Variants in TENM3 observed in about 807,000 individuals in gnomAD.
TENM3 encodes the protein teneurin-3.
In TENM3, 63 loss-of-function variants were observed where a neutral mutation model predicts 255.1. That is an observed-to-expected ratio of 0.25 (90% CI 0.20 to 0.30). The LOEUF (loss-of-function observed/expected upper bound fraction) is 0.30. TENM3 is among the 10% of genes least tolerant of loss of function. The pLI is 1.00. For synonymous variants in TENM3, 1,306 were observed against 1,322.3 expected (o/e 0.99, Z 0.27); for missense variants, 2,929 against 3,461.1 (o/e 0.85, Z 3.86).
At chr4:181,907,600 A>G in the TENM3 span, among the ~76,000 whole-genome samples, 1 of 152,072 alleles carries the variant, frequency 6.6e-6, no homozygotes. Flanking sequence ...GGGAAGAGGG[A>G]GAGAAGGTGA....
the TENM3 span, among the ~76,000 whole-genome samples, chr4:181,590,035 A>C: frequency 6.6e-6 from 1 of 152,184 alleles, no homozygotes; most frequent in African/African-American, 2.4e-5. Flanking sequence ...CTCTTCTCAA[A>C]TCCTGCAAAT....
At chr4:181,634,601 C>T in the TENM3 span, among the ~76,000 whole-genome samples, 7 of 152,168 alleles carry the variant, frequency 4.6e-5, no homozygotes, top group South Asian at 1.2e-3. Flanking sequence ...TATTTTAAGT[C>T]TCTCTTGTAG....
chr4:182,229,597 CGTGT>C (rs1326638600), intron 1 of TENM3, among the ~76,000 whole-genome samples: 16 of 150,040 alleles, frequency 1.1e-4, no homozygotes, highest in South Asian at 2.1e-4. Flanking sequence ...ACTGTGTGTG[CGTGT>C]GTATGTGTGT....
At chr4:182,613,372 A>T (rs1749186790) in intron 4 of TENM3, among the ~76,000 whole-genome samples, 1 of 152,184 alleles carries the variant, frequency 6.6e-6, no homozygotes, top group Non-Finnish European at 1.5e-5. Context: ...ATGGCTAAAA[A>T]TATTTTTTTG....
At chr4:182,629,000 G>A in intron 5 of TENM3, 111 bp downstream of exon 5, 3 of 710,246 alleles carry the variant, frequency 4.2e-6, no homozygotes, top group Non-Finnish European at 7.0e-6. Flanking sequence ...TATATTTGGT[G>A]GGGGTGAGTT....
intron 24 of TENM3, among the ~76,000 whole-genome samples, chr4:182,787,369 C>T (rs552438372): frequency 3.9e-5 from 6 of 152,188 alleles, no homozygotes; most frequent in African/African-American, 7.2e-5. Flanking sequence ...AACCACCACT[C>T]CGGACTATCT....
intron 3 of TENM3, among the ~76,000 whole-genome samples, chr4:182,513,254 A>G: frequency 6.6e-6 from 1 of 152,220 alleles, no homozygotes; most frequent in East Asian, 1.9e-4. Flanking sequence ...TCGTACGGTG[A>G]AAGTTTATAC....
intron 3 of TENM3, among the ~76,000 whole-genome samples, chr4:182,459,938 G>C (rs1774205079): frequency 6.6e-6 from 1 of 152,102 alleles, no homozygotes; most frequent in African/African-American, 2.4e-5. Flanking sequence ...TATCTTTTCA[G>C]TTAAAAATAA....
In TENM3 at chr4:182,799,933, C is replaced by T. The variant is rs1356232786; in HGVS notation, c.7682C>T (p.Thr2561Met). ...KTTTPESDLGTLRLTSGRKAL... is the reference protein window; with the variant it reads ...KTTTPESDLGMLRLTSGRKAL... ...ACCACGCCCGAGAGCGACCTGGGCA[C>T]GCTGCGGTTGACCAGCGGCCGCAAG... is the stretch of plus-strand genomic sequence containing the variant. The change falls in exon 28 of 28, where the codon ACG (threonine) becomes ATG (methionine). Residue 2561 changes from threonine (T) to methionine (M), a missense_variant. By Grantham distance (81) the Thr-to-Met change is moderately conservative. Transcript: ENST00000511685. The surrounding 1 kb of genome is among the most constrained non-coding windows in gnomAD (Gnocchi z 4.2). 28 of 1,598,796 alleles carry T rather than the reference C, an allele frequency of 1.8e-5. No individual in the cohort carries two copies. The highest frequency in any genetic ancestry group is 1.4e-4 in the Admixed American group (8 of 57,834).
intron 3 of TENM3, among the ~76,000 whole-genome samples, chr4:182,394,027 G>A (rs997500766): frequency 1.3e-5 from 2 of 152,116 alleles, no homozygotes; most frequent in African/African-American, 2.4e-5. Flanking sequence ...AGAGTTTGTG[G>A]GGAGCACGTG....
At chr4:182,457,759 A>G (rs895467611) in intron 3 of TENM3, among the ~76,000 whole-genome samples, 3 of 152,018 alleles carry the variant, frequency 2.0e-5, no homozygotes, top group Non-Finnish European at 2.9e-5. Flanking sequence ...AAAGGGTCCC[A>G]CCATATTGCC....
At chr4:182,706,854 C>T (rs1051592784) in intron 12 of TENM3, among the ~76,000 whole-genome samples, 3 of 151,136 alleles carry the variant, frequency 2.0e-5, no homozygotes, top group Admixed American at 6.6e-5. Flanking sequence ...CTTGGGAGGC[C>T]GAGGTGGGAG....
chr4:182,426,106 C>T (rs1771205739), intron 3 of TENM3, among the ~76,000 whole-genome samples: 2 of 149,776 alleles, frequency 1.3e-5, no homozygotes, highest in African/African-American at 4.9e-5. Flanking sequence ...ACGTTCTAAA[C>T]ATAACTTGTT....
intron 3 of TENM3, among the ~76,000 whole-genome samples, chr4:182,459,759 CTTAT>C (rs754675308): frequency 6.6e-6 from 1 of 152,034 alleles, no homozygotes; most frequent in African/African-American, 2.4e-5. Context: ...TATTCAAATA[CTTAT>C]TTATCTATTA....
chr4:182,049,979 TATTTTTTTTAATTAAAAAAAA>T, the TENM3 span, among the ~76,000 whole-genome samples: 9 of 140,988 alleles, frequency 6.4e-5, no homozygotes, highest in African/African-American at 2.2e-4. Context: ...AAAAAATATG[TATTTTTTTTAATTAAAAAAAA>T]ATTTTTTTTT....
chr4:181,463,631 G>A, the TENM3 span, among the ~76,000 whole-genome samples: 2 of 152,100 alleles, frequency 1.3e-5, no homozygotes, highest in Non-Finnish European at 2.9e-5. Context: ...ATTTCTTAGT[G>A]TACTATCTTT....
the TENM3 span, among the ~76,000 whole-genome samples, chr4:181,508,892 CTTTTTTTTTT>C: frequency 1.1e-4 from 6 of 53,816 alleles, no homozygotes; most frequent in South Asian, 4.5e-3. Flanking sequence ...ATTTCCAACA[CTTTTTTTTTT>C]TTTTTTTTTT....
At chr4:181,797,950 A>T in the TENM3 span, among the ~76,000 whole-genome samples, 17 of 152,264 alleles carry the variant, frequency 1.1e-4, 1 homozygote, top group South Asian at 2.7e-3. Flanking sequence ...ATGGTTCAGG[A>T]ATGAAGTGGG....
At chr4:182,769,871 G>A (rs1215841879) in intron 22 of TENM3, among the ~76,000 whole-genome samples, 4 of 152,098 alleles carry the variant, frequency 2.6e-5, no homozygotes, top group African/African-American at 7.2e-5. Flanking sequence ...TTAGGAGGCC[G>A]AGGCAGGTGG....
Sources: gnomAD v4.1 joint callset for allele counts (sites outside exome capture counted in the v4.1 genomes callset) on GRCh38, gnomAD v4.1.1 for gene constraint, Gnocchi (gnomAD v3.1) non-coding constraint, MANE v1.5 for transcripts, NCBI Gene and HGNC (gene_info 2026-07-23, HGNC 2026-07-21) for gene names.